Variants in SLC1A3 observed in about 807,000 individuals in gnomAD.
SLC1A3 encodes the protein excitatory amino acid transporter 1.
In SLC1A3, 21 loss-of-function variants were observed where a neutral mutation model predicts 48.1. The observed-to-expected ratio is 0.44, with a 90% CI of 0.31 to 0.63. SLC1A3 has a LOEUF of 0.63. Among genes scored for constraint, SLC1A3 ranks in the 20% least tolerant of loss-of-function variants. SLC1A3 has a pLI of 0.08. For synonymous variants in SLC1A3, 239 were observed against 251.4 expected, an observed-to-expected ratio of 0.95 and a Z score of 0.47; for missense variants, 546 against 689.0, an observed-to-expected ratio of 0.79 and a Z score of 2.32.
rs139279147 is a variant in SLC1A3 at position 36,654,602 on chromosome 5, A to G, written c.320-16427A>G. On this transcript the variant is annotated intron_variant, in intron 3 of 9. Transcript: ENST00000265113. ...TTTCCTTTCCCCTAGCAAGCCTTGTATAGCTCTGTCCCCTCACTGGATACA... is the reference window on the plus strand; with the variant it reads ...TTTCCTTTCCCCTAGCAAGCCTTGTGTAGCTCTGTCCCCTCACTGGATACA... Among the ~76,000 whole-genome samples the G allele has an allele frequency of 4.6e-5, 7 of 152,284 alleles. No homozygotes were observed. The East Asian group carries it at 1.4e-3, about 29-fold the overall frequency.
chr5:36,679,096 C>T (rs926572171), intron 6 of SLC1A3, among the ~76,000 whole-genome samples: 1 of 152,164 alleles, frequency 6.6e-6, no homozygotes, highest in Non-Finnish European at 1.5e-5. Context: ...GACTGCAAAC[C>T]TGAGACACTG....
In SLC1A3 at chr5:36,629,697, T is replaced by C; in HGVS notation, c.319+110T>C. 6.7e-6 allele frequency: 6 copies of C among 890,908 alleles called. No individual in the cohort carries two copies. In the East Asian group the frequency reaches 1.5e-4, roughly 22 times the overall value. 55.2% of individuals were successfully genotyped at this position (890,908 alleles called of 1,614,324 possible). The stretch of plus-strand genomic sequence containing the variant: ...TTTCTGCTGGATGCATGCTCTGTTC[T>C]AGAAAAAAAAAAAAAGTCCCTTCAA... On this transcript the variant is annotated intron_variant, in intron 3 of 9. Coordinates refer to ENST00000265113, the MANE Select transcript of SLC1A3 (RefSeq NM_004172.5).
chr5:36,686,221 AC>A lies in SLC1A3; in HGVS notation c.1582del (p.Gln528ArgfsTer19). On this transcript the variant is annotated frameshift_variant, in exon 10 of 10. Transcript: ENST00000265113. LOFTEE classifies it high-confidence loss of function. ...TGAAGAAACCATATCAACTGATTGC[AC>A]AGGACAATGAAACTGAGAAACCCAT... The part of the protein sequence containing the change: ...EMKKPYQLIA[Q>X]DNETEKPIDS... 6.2e-7 allele frequency: 1 copy of A among 1,614,202 alleles called. No individual in the cohort carries two copies.
chr5:36,647,086 T>A (rs1262731898), intron 3 of SLC1A3, among the ~76,000 whole-genome samples: 3 of 152,232 alleles, frequency 2.0e-5, no homozygotes, highest in African/African-American at 4.8e-5. Context: ...CCAAGATGTA[T>A]CTATTCTAAT....
At chr5:36,611,222 T>C (rs1187029018) in intron 2 of SLC1A3, among the ~76,000 whole-genome samples, 7 of 148,652 alleles carry the variant, frequency 4.7e-5, no homozygotes, top group Admixed American at 4.1e-4. Context: ...AGATGAGAGA[T>C]GAGAAGAGCT....
intron 1 of SLC1A3, among the ~76,000 whole-genome samples, chr5:36,600,718 G>T (rs984051461): frequency 6.6e-6 from 1 of 152,152 alleles, no homozygotes; most frequent in African/African-American, 2.4e-5. Context: ...CATTCTGAAG[G>T]CTTTCTTCCC....
intron 3 of SLC1A3, chr5:36,668,652 T>A (rs1487733254): frequency 6.6e-6 from 1 of 152,224 alleles, no homozygotes; most frequent in African/African-American, 2.4e-5. Context: ...GGCCTCTCAT[T>A]TGATGATTGA....
intron 3 of SLC1A3, among the ~76,000 whole-genome samples, chr5:36,663,119 T>C (rs968867093): frequency 6.6e-6 from 1 of 152,238 alleles, no homozygotes; most frequent in African/African-American, 2.4e-5. Context: ...CTGCCACTAA[T>C]AATACTGTCT....
At chr5:36,633,847 A>G (rs1326880838) in intron 3 of SLC1A3, among the ~76,000 whole-genome samples, 1 of 152,172 alleles carries the variant, frequency 6.6e-6, no homozygotes, top group Non-Finnish European at 1.5e-5. Flanking sequence ...ACAGCCTACA[A>G]TCATTACCCA....
At position 36,679,662 on chromosome 5, in the gene SLC1A3, G is replaced by C. The variant is rs762834661; in HGVS notation, c.896G>C (p.Gly299Ala). The C allele has an allele frequency of 3.7e-6, 6 of 1,614,112 alleles. No individual in the cohort carries two copies. The Admixed American group carries it at 1.0e-4, about 27-fold the overall frequency. Residue 299 changes from glycine (G) to alanine (A), a missense_variant, in exon 7 of 10, where the codon GGG becomes GCG. Coordinates refer to ENST00000265113, the MANE Select transcript of SLC1A3 (RefSeq NM_004172.5). ...APVGILFLIA[G>A]KIVEMEDMGV... is the part of the protein sequence containing the mutation. ...GTGGGTATTCTCTTCCTGATTGCTG[G>C]GAAGATTGTGGAGATGGAAGACATG...
rs756428113 is a variant in SLC1A3, at chr5:36,671,007, ATCT to A, written c.320-18_320-16del. The A allele has an allele frequency of 6.8e-6, 11 of 1,610,190 alleles. No homozygotes were observed. The highest frequency in any genetic ancestry group is 1.3e-5 in the African/African-American group (1 of 74,818). The stretch of plus-strand genomic sequence containing the variant: ...AATTCCCTGGACTGACTTCCTGAAA[ATCT>A]TCTGTTTGCCTCCACCAGGAATGGC... On this transcript the variant is annotated intron_variant, in intron 3 of 9. Coordinates refer to ENST00000265113, the MANE Select transcript of SLC1A3 (RefSeq NM_004172.5).
chr5:36,679,846 G>A lies in SLC1A3; in HGVS notation c.1080G>A (p.Leu360=), dbSNP rs1742365292. ...TGCTGCAAGCACTCATCACCGCTCT[G>A]GGGACCTCTTCAAGGTATGTATGTA... ...GGLLQALITA[L]GTSSSSATLP... Residue 360 remains leucine (L), a synonymous_variant, in exon 7 of 10, where the codon CTG becomes CTA. Coordinates refer to ENST00000265113, the MANE Select transcript of SLC1A3 (RefSeq NM_004172.5). 1.9e-6 allele frequency: 3 copies of A among 1,612,684 alleles called. No individual in the cohort carries two copies. The highest frequency in any genetic ancestry group is 1.3e-5 in the African/African-American group (1 of 74,886).
At chr5:36,669,881 C>T (rs1741914884) in intron 3 of SLC1A3, 1 of 151,644 alleles carries the variant, frequency 6.6e-6, no homozygotes. Context: ...TATTAAACCA[C>T]CATTAGAATC....
In SLC1A3 at chr5:36,629,602, T is replaced by A. The variant is rs1236677727; in HGVS notation, c.319+15T>A. 1 of 1,611,548 alleles carries A rather than the reference T, an allele frequency of 6.2e-7. No individual in the cohort carries two copies. The highest frequency in any genetic ancestry group is 1.3e-5 in the African/African-American group (1 of 74,868). ...TCTTGTCACAGGTACCATAAGCAGT[T>A]GTTGGTTTGTTTGGTTTTTTTTAAG... On this transcript the variant is annotated intron_variant, in intron 3 of 9. Transcript: ENST00000265113.
chr5:36,633,830 T>G (rs1295028302), intron 3 of SLC1A3, among the ~76,000 whole-genome samples: 1 of 152,210 alleles, frequency 6.6e-6, no homozygotes, highest in African/African-American at 2.4e-5. Context: ...CAACATACTC[T>G]TCTTCCACAG....
intron 2 of SLC1A3, chr5:36,613,383 C>T (rs1361892116): frequency 6.5e-6 from 1 of 153,126 alleles, no homozygotes; most frequent in Non-Finnish European, 1.5e-5. Flanking sequence ...TTCAGAAATG[C>T]TGTAGTGGTG....
Position 36,679,798 on chromosome 5 carries a change from C to G in SLC1A3, c.1032C>G (p.Asn344Lys), listed in dbSNP as rs926634917. The G allele has an allele frequency of 5.6e-6, 9 of 1,614,042 alleles. No homozygotes were observed. Among genetic ancestry groups the G allele is most frequent in the Middle Eastern group, 1.6e-4 (1 of 6,084 alleles). Residue 344 changes from asparagine (N) to lysine (K), a missense_variant, in exon 7 of 10, where the codon AAC becomes AAG. Asn to Lys is a moderately conservative substitution (Grantham distance 94, BLOSUM62 0). Around this residue, in one of 3 missense-constraint regions of SLC1A3, gnomAD observed 142 missense variants for 238.0 expected, o/e 0.60. Transcript: ENST00000265113. Reference protein sequence around the residue: ...PLLYFLVTRKNPWVFIGGLLQ... With the variant: ...PLLYFLVTRKKPWVFIGGLLQ... ...TCTACTTCTTGGTAACACGGAAAAA[C>G]CCTTGGGTTTTTATTGGAGGGTTGC...
intron 9 of SLC1A3, among the ~76,000 whole-genome samples, chr5:36,685,654 C>T (rs1196922006): frequency 1.3e-5 from 2 of 152,222 alleles, no homozygotes; most frequent in Non-Finnish European, 2.9e-5. Flanking sequence ...TAATACAAGA[C>T]AGTTGGAGTT....
intron 3 of SLC1A3, among the ~76,000 whole-genome samples, chr5:36,644,343 T>G (rs561199442): frequency 1.3e-5 from 2 of 152,340 alleles, no homozygotes; most frequent in African/African-American, 4.8e-5. Context: ...AATTGTAAAA[T>G]TCAAATGTTA....
Sources: gnomAD v4.1 joint callset for allele counts (sites outside exome capture counted in the v4.1 genomes callset) on GRCh38, gnomAD v4.1.1 for gene constraint, gnomAD v4.1.1 regional missense constraint, MANE v1.5 for transcripts, NCBI Gene and HGNC (gene_info 2026-07-23, HGNC 2026-07-21) for gene names.